FBN1: variants seen among roughly 807,000 people sequenced by gnomAD.
The protein encoded by FBN1 is fibrillin-1.
A neutral mutation model predicts 365.1 loss-of-function variants in FBN1; 29 were observed. The ratio of observed to expected loss-of-function variants is 0.08; its 90% CI spans 0.06 to 0.11. The LOEUF (loss-of-function observed/expected upper bound fraction) is 0.11. Among genes scored for constraint, FBN1 ranks in the 10% least tolerant of loss-of-function variants. The pLI is 1.00. For missense variants in FBN1, 2,476 were observed against 3,703.2 expected (o/e 0.67, Z 8.60); for synonymous variants, 1,210 against 1,270.5 (o/e 0.95, Z 1.01).
At chr15:48,559,154 T>C (rs1437514445) in intron 6 of FBN1, among the ~76,000 whole-genome samples, 1 of 152,216 alleles carries the variant, frequency 6.6e-6, no homozygotes, top group African/African-American at 2.4e-5. Flanking sequence ...TACAGAGCAC[T>C]AGAAAAGGGA....
Position 48,415,693 on chromosome 15 carries a change from T to C in FBN1, c.7894A>G (p.Met2632Val), listed in dbSNP as rs1411527799. 3 of 1,614,226 alleles carry C rather than the reference T, an allele frequency of 1.9e-6. No individual in the cohort carries two copies. The highest frequency in any genetic ancestry group is 2.5e-6 in the Non-Finnish European group (3 of 1,180,032). Residue 2632 changes from methionine to valine, a missense_variant, in exon 64 of 66, where the codon ATG (methionine) becomes GTG (valine). This residue lies in a region of FBN1 where 1,780 missense variants were observed against 2,840.8 expected (regional missense o/e 0.63). Transcript: ENST00000316623. Reference protein sequence around the residue: ...CHNTLGSYKCMCPAGFQYEQF... With the variant: ...CHNTLGSYKCVCPAGFQYEQF... ...TCATACTGGAAGCCGGCGGGACACA[T>C]GCACTTGTAGCTCCCCAGGGTGTTG...
intron 6 of FBN1, among the ~76,000 whole-genome samples, 184 bp downstream of exon 6, chr15:48,596,099 A>G (rs2044513346): frequency 6.6e-6 from 1 of 152,328 alleles, no homozygotes; most frequent in South Asian, 2.1e-4. Context: ...ACATTGCCGA[A>G]TATCATGCAT....
rs764956205 is a variant in FBN1 at position 48,470,791 on chromosome 15, CTT to C, written c.4337-37_4337-36del. ...AGGGAGAAAAAAGCAAAAAACTTAA[CTT>C]ATATTTTTCTAAAAAAAACCTGCCA... On this transcript the variant is annotated intron_variant, in intron 35 of 65. Transcript: ENST00000316623. The C allele has an allele frequency of 2.5e-6, 4 of 1,605,348 alleles. No individual in the cohort carries two copies. In the South Asian group the frequency reaches 3.3e-5, roughly 13 times the overall value.
At chr15:48,593,067 T>C (rs1048199163) in intron 6 of FBN1, among the ~76,000 whole-genome samples, 1 of 152,224 alleles carries the variant, frequency 6.6e-6, no homozygotes, top group Non-Finnish European at 1.5e-5. Flanking sequence ...CTAATTGCTT[T>C]ATAATCTTAT....
intron 2 of FBN1, among the ~76,000 whole-genome samples, chr15:48,613,907 G>C (rs569001978): frequency 5.9e-5 from 9 of 152,240 alleles, no homozygotes; most frequent in African/African-American, 2.2e-4. Context: ...CAGCCTGGGC[G>C]ACAGAGTGAG....
At position 48,456,747 on chromosome 15, in the gene FBN1, C is replaced by A; in HGVS notation, c.5312G>T (p.Arg1771Leu). Reference protein sequence around the residue: ...TGLPVDIDECREIPGVCENGV... With the variant: ...TGLPVDIDECLEIPGVCENGV... ...ATTTTCACAGACCCCTGGGATCTCC[C>A]GGCACTCATCAATATCTAGAGACAG... is the stretch of plus-strand genomic sequence containing the variant. The change falls in exon 44 of 66, where the codon CGG (arginine) becomes CTG (leucine). Residue 1771 changes from arginine to leucine, a missense_variant. Transcript: ENST00000316623. 6.2e-7 allele frequency: 1 copy of A among 1,613,512 alleles called. No individual in the cohort carries two copies. The highest frequency in any genetic ancestry group is 8.5e-7 in the Non-Finnish European group (1 of 1,179,722).
intron 2 of FBN1, among the ~76,000 whole-genome samples, chr15:48,621,056 T>C (rs996766069): frequency 1.3e-5 from 2 of 152,208 alleles, no homozygotes; most frequent in Non-Finnish European, 2.9e-5. Context: ...AAAAGCAGCA[T>C]TGGATTACAA....
At chr15:48,463,019 C>T (rs1597545098) in intron 42 of FBN1, 63 bp downstream of exon 42, 7 of 1,502,024 alleles carry the variant, frequency 4.7e-6, no homozygotes, top group Middle Eastern at 1.7e-4. Flanking sequence ...AGACTGATTT[C>T]CCCAACAATT....
rs899591935 is a variant in FBN1, at chr15:48,412,009, T to C, written c.8226+560A>G. Reference sequence around the variant, plus strand: ...TCACCTGGCTTCTTACTTGCCTCTCTGGGACCACATGTGCTGGATTCTATG... The same window carrying C: ...TCACCTGGCTTCTTACTTGCCTCTCCGGGACCACATGTGCTGGATTCTATG... On this transcript the variant is annotated intron_variant, in intron 65 of 65. Coordinates refer to ENST00000316623, the MANE Select transcript of FBN1 (RefSeq NM_000138.5). Among the ~76,000 whole-genome samples the C allele has an allele frequency of 3.9e-5, 6 of 152,368 alleles. No homozygotes were observed. The South Asian group carries it at 8.3e-4, about 21-fold the overall frequency.
At chr15:48,592,135 C>T (rs753692337) in intron 6 of FBN1, among the ~76,000 whole-genome samples, 3 of 152,162 alleles carry the variant, frequency 2.0e-5, no homozygotes, top group Non-Finnish European at 2.9e-5. Context: ...CTCAGACCTT[C>T]GATGAGTCTA....
At chr15:48,457,646 A>G (rs566585636) in intron 43 of FBN1, among the ~76,000 whole-genome samples, 1 of 152,242 alleles carries the variant, frequency 6.6e-6, no homozygotes, top group South Asian at 2.1e-4. Flanking sequence ...GCCCTCTAGG[A>G]TAAGAGTAGT....
chr15:48,551,144 C>T (rs994576653), intron 6 of FBN1, among the ~76,000 whole-genome samples: 1 of 152,244 alleles, frequency 6.6e-6, no homozygotes, highest in East Asian at 1.9e-4. Context: ...ATCAATGTGG[C>T]AGTGAATAAA....
intron 6 of FBN1, among the ~76,000 whole-genome samples, chr15:48,541,240 G>A (rs1459943735): frequency 6.6e-6 from 1 of 151,992 alleles, no homozygotes; most frequent in Non-Finnish European, 1.5e-5. Flanking sequence ...CAGTCCACAG[G>A]GATCCAATTT....
chr15:48,608,645 A>G (rs999198248), intron 4 of FBN1, among the ~76,000 whole-genome samples: 1 of 152,202 alleles, frequency 6.6e-6, no homozygotes, highest in African/African-American at 2.4e-5. Context: ...CCTCCTCCTT[A>G]CACTACTCTC....
In FBN1 at chr15:48,427,644, T is replaced by C. The variant is rs986277992; in HGVS notation, c.7127A>G (p.Glu2376Gly). The C allele has an allele frequency of 6.2e-7, 1 of 1,614,176 alleles. No individual in the cohort carries two copies. The highest frequency in any genetic ancestry group is 8.5e-7 in the Non-Finnish European group (1 of 1,180,010). ...CACAGTCCCCTGGAAAGGGCAGATC[T>C]CACAGTGGGGACCCCAGCCTCTCCC... ...DGGRGWGPHCEICPFQGTVAF... is the reference protein window; with the variant it reads ...DGGRGWGPHCGICPFQGTVAF... Residue 2376 changes from glutamate (E) to glycine (G), a missense_variant, in exon 58 of 66, where the codon GAG becomes GGG. Glu to Gly is a moderately conservative substitution (Grantham distance 98). Coordinates refer to ENST00000316623, the MANE Select transcript of FBN1 (RefSeq NM_000138.5).
intron 2 of FBN1, among the ~76,000 whole-genome samples, chr15:48,637,966 G>A (rs1466293403): frequency 2.0e-5 from 3 of 151,978 alleles, no homozygotes; most frequent in Non-Finnish European, 4.4e-5. Flanking sequence ...AAACAGGCAT[G>A]GATTTGTTTC....
chr15:48,520,911 G>A, intron 9 of FBN1, 94 bp from the exon 10 acceptor site: 4 of 1,538,336 alleles, frequency 2.6e-6, no homozygotes, highest in Non-Finnish European at 2.7e-6. Flanking sequence ...CTTCACACTG[G>A]GGCTACGGCA....
At chr15:48,483,669 A>G (rs1359070114) in intron 31 of FBN1, 149 bp downstream of exon 31, 1 of 863,394 alleles carries the variant, frequency 1.2e-6, no homozygotes, top group Non-Finnish European at 1.8e-6. Flanking sequence ...CTCTCTTTGG[A>G]ATGCTGGTTA....
At chr15:48,605,710 CA>C (rs1294066287) in intron 4 of FBN1, among the ~76,000 whole-genome samples, 1 of 151,790 alleles carries the variant, frequency 6.6e-6, no homozygotes, top group Non-Finnish European at 1.5e-5. Context: ...CTGTCTCTAC[CA>C]AAAATACAAA....
Sources: gnomAD v4.1 joint callset for allele counts (sites outside exome capture counted in the v4.1 genomes callset) on GRCh38, gnomAD v4.1.1 for gene constraint, gnomAD v4.1.1 regional missense constraint, MANE v1.5 for transcripts, NCBI Gene and HGNC (gene_info 2026-07-23, HGNC 2026-07-21) for gene names.